Variants in PAQR3 observed in about 807,000 individuals in gnomAD.
The protein encoded by PAQR3 is Raf kinase trapping to Golgi.
A neutral mutation model predicts 41.7 loss-of-function variants in PAQR3; 39 were observed. The observed-to-expected ratio is 0.93, with a 90% CI of 0.72 to 1.22. The LOEUF (loss-of-function observed/expected upper bound fraction) is 1.22, where lower values mean the gene tolerates loss of function less well. PAQR3 is among the 50% of genes most tolerant of loss of function. PAQR3 has a pLI of 0.00. For missense variants in PAQR3, 366 were observed against 385.6 expected (o/e 0.95, Z 0.42); for synonymous variants, 140 against 140.6 (o/e 1.00, Z 0.03).
intron 11 of PAQR3, among the ~76,000 whole-genome samples, chr4:78,901,233 T>A (rs1044913297): frequency 9.3e-5 from 14 of 151,232 alleles, no homozygotes; most frequent in African/African-American, 2.4e-4. Context: ...TTTTATTATT[T>A]TTTTTTTTGT....
At chr4:78,922,707 C>A (rs567293705) in intron 5 of PAQR3, 3 of 359,222 alleles carry the variant, frequency 8.4e-6, no homozygotes, top group African/African-American at 4.3e-5. Flanking sequence ...CTCATCTAAC[C>A]CTCATTAAAC....
intron 5 of PAQR3, chr4:78,922,373 CACGTGACGAGTGGTACAA>C: frequency 7.8e-7 from 1 of 1,288,708 alleles, no homozygotes; most frequent in Admixed American, 2.3e-5. Flanking sequence ...TTTCCCAACA[CACGTGACGAGTGGTACAA>C]TCCCTTCTCT....
intron 2 of PAQR3, 81 bp from the exon 3 acceptor site, chr4:78,930,406 G>C (rs1379390856): frequency 7.1e-6 from 10 of 1,405,016 alleles, no homozygotes; most frequent in Non-Finnish European, 7.7e-6. Context: ...AAGTAGTTAA[G>C]AGGCTAGGCT....
chr4:78,910,926 TGAG>T (rs111246695), downstream of PAQR3: 15 of 1,613,716 alleles, frequency 9.3e-6, no homozygotes, highest in African/African-American at 6.7e-5. Flanking sequence ...ATTCTGAAGA[TGAG>T]GAAGAAGAGG....
chr4:78,926,672 G>A lies in PAQR3; in HGVS notation c.551C>T (p.Ala184Val), dbSNP rs758108436. The A allele has an allele frequency of 6.2e-7, 1 of 1,613,886 alleles. No individual in the cohort carries two copies. The highest frequency in any genetic ancestry group is 1.3e-5 in the African/African-American group (1 of 74,898). The change falls in exon 4 of 6, where the codon GCA becomes GTA. Residue 184 changes from alanine to valine, a missense_variant. Physicochemically the swap from Ala to Val is moderately conservative, Grantham distance 64. Transcript: ENST00000512733. ...YLITVLAMIL[A>V]VFFAQIHPNY... ...GGGATGAATCTGCGCAAAGAACACT[G>A]CCAGGATCATAGCAAGCACTGTGAT...
chr4:78,928,931 C>G (rs1736529058), intron 3 of PAQR3, among the ~76,000 whole-genome samples: 1 of 152,234 alleles, frequency 6.6e-6, no homozygotes, highest in Non-Finnish European at 1.5e-5. Context: ...CATTACATTG[C>G]ACAACCTAAA....
At chr4:78,905,443 G>A (rs1268770681) in intron 11 of PAQR3, among the ~76,000 whole-genome samples, 4 of 151,866 alleles carry the variant, frequency 2.6e-5, no homozygotes, top group Non-Finnish European at 4.4e-5. Flanking sequence ...AACAGTGGGT[G>A]AATATATGAA....
chr4:78,925,102 T>C (rs1736059644), intron 4 of PAQR3, among the ~76,000 whole-genome samples: 1 of 152,178 alleles, frequency 6.6e-6, no homozygotes. Flanking sequence ...ACCGGAATGA[T>C]CTGTGATCAC....
chr4:78,917,657 C>G lies in PAQR3; in HGVS notation c.*2882G>C, dbSNP rs9307446. On this transcript the variant is annotated 3_prime_UTR_variant, in exon 6 of 6. Transcript: ENST00000512733. ...TAGAATTCCCAGGAATGATGATTTA[C>G]AGTGGACAGGGACCTAATGCAGCAA... 203,798 of 242,628 alleles carry G rather than the reference C, an allele frequency of 0.84. 85,697 individuals carry two copies. Among genetic ancestry groups the G allele is most frequent in the East Asian group, 0.9 (4,954 of 5,486 alleles). The allele number at this position is 242,628 out of a possible 1,614,324, so 15.0% of individuals were successfully genotyped here. A position where few individuals can be genotyped will look rare whatever the true frequency, so the allele number is the denominator to read the frequency against.
At chr4:78,921,623 T>C in intron 5 of PAQR3, 1 of 911,934 alleles carries the variant, frequency 1.1e-6, no homozygotes, top group Non-Finnish European at 1.3e-6. Flanking sequence ...CTCAATTCTA[T>C]CCATGGACAC....
At chr4:78,893,415 G>A (rs1411224865) in intron 11 of PAQR3, among the ~76,000 whole-genome samples, 4 of 152,150 alleles carry the variant, frequency 2.6e-5, no homozygotes, top group African/African-American at 9.7e-5. Context: ...TCTTGTTAAT[G>A]TTGATATTTT....
chr4:78,919,736 A>T lies in PAQR3; in HGVS notation c.*803T>A. The T allele has an allele frequency of 1.0e-6, 1 of 984,966 alleles. No homozygotes were observed. The highest frequency in any genetic ancestry group is 1.1e-4 in the East Asian group (1 of 8,808). The allele number at this position is 984,966 out of a possible 1,614,324, so 61.0% of individuals were successfully genotyped here. A position where few individuals can be genotyped will look rare whatever the true frequency, so the allele number is the denominator to read the frequency against. On this transcript the variant is annotated 3_prime_UTR_variant, in exon 6 of 6. Transcript: ENST00000512733. ...TGGAATTTTGGGATCAAAAACCTGT[A>T]ATCCACTCACAAGAATTCAGTTATT...
intron 11 of PAQR3, among the ~76,000 whole-genome samples, chr4:78,898,680 T>C (rs544912998): frequency 1.1e-4 from 16 of 150,126 alleles, no homozygotes; most frequent in Non-Finnish European, 2.4e-4. Flanking sequence ...AGACCATTGC[T>C]CCTCAAAGTG....
chr4:78,899,350 T>C (rs939445416), intron 11 of PAQR3, among the ~76,000 whole-genome samples: 6 of 152,080 alleles, frequency 3.9e-5, no homozygotes, highest in African/African-American at 1.4e-4. Flanking sequence ...AGGGAGAATA[T>C]AGGGTAGGTC....
chr4:78,898,325 TTGTC>T (rs941687088), intron 11 of PAQR3, among the ~76,000 whole-genome samples: 1 of 152,024 alleles, frequency 6.6e-6, no homozygotes, highest in Non-Finnish European at 1.5e-5. Context: ...CATTTACAGA[TTGTC>T]AGTCCACTGC....
At chr4:78,897,467 T>A (rs1560552108) in intron 11 of PAQR3, among the ~76,000 whole-genome samples, 1 of 152,116 alleles carries the variant, frequency 6.6e-6, no homozygotes, top group African/African-American at 2.4e-5. Context: ...TAATGAAAAA[T>A]TAACTATATC....
chr4:78,930,814 C>T (rs1736782586), intron 2 of PAQR3, among the ~76,000 whole-genome samples: 1 of 151,812 alleles, frequency 6.6e-6, no homozygotes, highest in South Asian at 2.1e-4. Flanking sequence ...TTTTATGTGT[C>T]TTTCCAGATA....
In PAQR3 at chr4:78,913,611, T is replaced by C. The variant is rs904058866; in HGVS notation, c.*6928A>G. The C allele has an allele frequency of 5.9e-5, 9 of 152,212 alleles. No homozygotes were observed. The highest frequency in any genetic ancestry group is 2.2e-4 in the African/African-American group (9 of 41,478). 9.4% of individuals were successfully genotyped at this position (152,212 alleles called of 1,614,324 possible). A position where few individuals can be genotyped will look rare whatever the true frequency, so the allele number is the denominator to read the frequency against. On this transcript the variant is annotated 3_prime_UTR_variant, in exon 6 of 6. Transcript: ENST00000512733. ...CTCTCTTCGATCTCAAAGTATATTT[T>C]ACGAGTAATTTTATTAGGAATCTCT...
chr4:78,889,220 CAAAAAAAAA>C (rs71661191), intron 11 of PAQR3, among the ~76,000 whole-genome samples: 767 of 53,740 alleles, frequency 0.014, 25 homozygotes, highest in Admixed American at 0.095. Flanking sequence ...GACTCTGTCT[CAAAAAAAAA>C]AAAAAAAAAA....
Sources: allele counts gnomAD v4.1 joint callset (sites outside exome capture counted in the v4.1 genomes callset), GRCh38; gene constraint gnomAD v4.1.1; transcripts MANE v1.5; gene names NCBI Gene and HGNC (gene_info 2026-07-23, HGNC 2026-07-21).